DNHD1: variants seen among roughly 807,000 people sequenced by gnomAD.
The protein encoded by DNHD1 is dynein heavy chain domain 1.
In DNHD1, 383 loss-of-function variants were observed where a neutral mutation model predicts 458.1. The ratio of observed to expected loss-of-function variants is 0.84; its 90% CI spans 0.77 to 0.91. The LOEUF (loss-of-function observed/expected upper bound fraction) is 0.91. Ranked by LOEUF, DNHD1 falls within the 40% of genes least tolerant of loss-of-function variation. The pLI is 0.00. For synonymous variants in DNHD1, 2,203 were observed against 2,376.9 expected (o/e 0.93, Z 2.13); for missense variants, 5,336 against 5,866.1 (o/e 0.91, Z 2.95).
rs769178794 is a variant in DNHD1 at position 6,520,100 on chromosome 11, C to T, written c.1783C>T (p.Gln595Ter). The change falls in exon 9 of 43, where the codon CAG becomes TAG. Residue 595 changes from glutamine to a stop codon, truncating the protein, a stop_gained and splice_region_variant. Coordinates refer to ENST00000254579, the MANE Select transcript of DNHD1 (RefSeq NM_144666.3). LOFTEE classifies it high-confidence loss of function. ...ACAGTCTGTCAAGACCTCTGCCTTG[C>T]AGGTATTCTGAATTGGGCAGAGAGC... ...GLQSVKTSAL[Q>*]VVQSADLKTS... is the part of the protein sequence containing the mutation. 2 of 1,614,186 alleles carry T rather than the reference C, an allele frequency of 1.2e-6. No homozygotes were observed. The highest frequency in any genetic ancestry group is 3.3e-5 in the Admixed American group (2 of 60,022).
Position 6,545,657 on chromosome 11 carries a change from C to T in DNHD1, c.4718C>T (p.Ala1573Val). 6.4e-7 allele frequency: 1 copy of T among 1,551,742 alleles called. No individual in the cohort carries two copies. Among genetic ancestry groups the T allele is most frequent in the Non-Finnish European group, 8.7e-7 (1 of 1,147,008 alleles). The part of the protein sequence containing the change: ...PSVRQTSLLS[A>V]LLVMAVTHRD... ...GTCCGCCAGACCAGCCTTCTCAGTG[C>T]CCTGCTGGTCATGGCAGTGACTCAC... Residue 1573 changes from alanine to valine, a missense_variant, in exon 21 of 43, where the codon GCC becomes GTC. This residue lies in a region of DNHD1 where 3,932 missense variants were observed against 4,365.6 expected (regional missense o/e 0.90). Coordinates refer to ENST00000254579, the MANE Select transcript of DNHD1 (RefSeq NM_144666.3). This position sits in a 1 kb window ranked among gnomAD's most constrained non-coding sequence, Gnocchi z 4.9.
chr11:6,543,446 T>C (rs1435903853), intron 18 of DNHD1, among the ~76,000 whole-genome samples: 2 of 152,196 alleles, frequency 1.3e-5, no homozygotes, highest in Non-Finnish European at 2.9e-5. Context: ...AAATATTACG[T>C]AGGGTCCTGG....
chr11:6,518,423 A>G (rs1045405716), intron 7 of DNHD1, among the ~76,000 whole-genome samples: 1 of 152,214 alleles, frequency 6.6e-6, no homozygotes, highest in African/African-American at 2.4e-5. Flanking sequence ...TTAAAAATGT[A>G]TACTGATTAC....
chr11:6,564,136 C>T lies in DNHD1; in HGVS notation c.10284+12C>T. ...CTACACAGCTCCAGGTAACCATCCC[C>T]CTCCCAGATGTCTCCCCCAAAGTTC... On this transcript the variant is annotated intron_variant, in intron 31 of 42. Transcript: ENST00000254579. The T allele has an allele frequency of 3.0e-5, 46 of 1,545,824 alleles. No individual in the cohort carries two copies. Among genetic ancestry groups the T allele is most frequent in the Non-Finnish European group, 4.0e-5 (46 of 1,142,910 alleles).
Position 6,547,015 on chromosome 11 carries a change from G to A in DNHD1, c.6076G>A (p.Val2026Met), listed in dbSNP as rs1853233983. ...EDTSTQGCQP[V>M]EITHLYPSGL... is the part of the protein sequence containing the mutation. ...CACCTCAACCCAAGGCTGCCAGCCT[G>A]TGGAAATTACCCACCTGTACCCCAG... The change falls in exon 21 of 43, where the codon GTG becomes ATG. Residue 2026 changes from valine to methionine, a missense_variant. This residue lies in a region of DNHD1 where 3,932 missense variants were observed against 4,365.6 expected (regional missense o/e 0.90). Coordinates refer to ENST00000254579, the MANE Select transcript of DNHD1 (RefSeq NM_144666.3). The A allele has an allele frequency of 1.3e-6, 2 of 1,551,516 alleles. No homozygotes were observed. Among genetic ancestry groups the A allele is most frequent in the African/African-American group, 2.7e-5 (2 of 73,060 alleles).
chr11:6,519,905 T>A, intron 8 of DNHD1, 51 bp downstream of exon 8: 1 of 1,613,068 alleles, frequency 6.2e-7, no homozygotes, highest in Non-Finnish European at 8.5e-7. Flanking sequence ...CAGGGCCAGA[T>A]GCTGAGGAAT....
At position 6,558,646 on chromosome 11, in the gene DNHD1, T is replaced by A; in HGVS notation, c.9164T>A (p.Val3055Glu). Residue 3055 changes from valine to glutamate, a missense_variant, in exon 26 of 43, where the codon GTG becomes GAG. Val to Glu is a moderately radical substitution (Grantham distance 121, BLOSUM62 -2). Coordinates refer to ENST00000254579, the MANE Select transcript of DNHD1 (RefSeq NM_144666.3). ...TGGGACCAAGCTGCCCTGGCCAAGG[T>A]GGCCCAGCATCACCTGGAGGGTGCT... ...EPWDQAALAK[V>E]AQHHLEGAQS... 1 of 1,551,510 alleles carries A rather than the reference T, an allele frequency of 6.4e-7. No individual in the cohort carries two copies. The highest frequency in any genetic ancestry group is 8.7e-7 in the Non-Finnish European group (1 of 1,146,988).
chr11:6,545,156 C>CA lies in DNHD1; in HGVS notation c.4218dup (p.Asp1407ArgfsTer2). On this transcript the variant is annotated frameshift_variant, in exon 21 of 43. Coordinates refer to ENST00000254579, the MANE Select transcript of DNHD1 (RefSeq NM_144666.3). This position sits in a 1 kb window ranked among gnomAD's most constrained non-coding sequence, Gnocchi z 4.9. Reference sequence around the variant, plus strand: ...TCTTGCCCAACTGGTGAGAAAAACACAGATGACTGGGAGTCAAGCCCAAAC... The same window carrying CA: ...TCTTGCCCAACTGGTGAGAAAAACACAAGATGACTGGGAGTCAAGCCCAAAC... The CA allele has an allele frequency of 6.4e-7, 1 of 1,552,130 alleles. No homozygotes were observed. Among genetic ancestry groups the CA allele is most frequent in the Non-Finnish European group, 8.7e-7 (1 of 1,147,084 alleles).
chr11:6,530,035 T>G (rs1455038376), intron 12 of DNHD1, among the ~76,000 whole-genome samples: 1 of 152,210 alleles, frequency 6.6e-6, no homozygotes, highest in Non-Finnish European at 1.5e-5. Flanking sequence ...TCTGCTATCA[T>G]CTATATCCCC....
At position 6,548,731 on chromosome 11, in the gene DNHD1, A is replaced by G; in HGVS notation, c.7185A>G (p.Ser2395=). The G allele has an allele frequency of 6.4e-7, 1 of 1,551,670 alleles. No individual in the cohort carries two copies. The highest frequency in any genetic ancestry group is 8.7e-7 in the Non-Finnish European group (1 of 1,146,986). ...CTGGAGAGGCAGCAACAGGGAAGTC[A>G]GCCTTTGTGGAGGTGCTGGTAGAGC... ...LLAGEAATGK[S]AFVEVLVEPH... Residue 2395 remains serine (S), a synonymous_variant, in exon 24 of 43, where the codon TCA becomes TCG. Coordinates refer to ENST00000254579, the MANE Select transcript of DNHD1 (RefSeq NM_144666.3). The surrounding 1 kb of genome is among the most constrained non-coding windows in gnomAD (Gnocchi z 4.4).
In DNHD1 at chr11:6,548,624, A is replaced by G. The variant is rs1475070966; in HGVS notation, c.7099-21A>G. On this transcript the variant is annotated intron_variant, in intron 23 of 42. Transcript: ENST00000254579. This position sits in a 1 kb window ranked among gnomAD's most constrained non-coding sequence, Gnocchi z 4.4. Reference sequence around the variant, plus strand: ...GTCTTATACTGGAGGTGCTGCAGTAAGTCCCACTTCTGTCTTGCAGACTGA... The same window carrying G: ...GTCTTATACTGGAGGTGCTGCAGTAGGTCCCACTTCTGTCTTGCAGACTGA... The G allele has an allele frequency of 6.4e-7, 1 of 1,550,796 alleles. No individual in the cohort carries two copies. The highest frequency in any genetic ancestry group is 8.7e-7 in the Non-Finnish European group (1 of 1,146,874).
In DNHD1 at chr11:6,502,895, T is replaced by C; in HGVS notation, c.889T>C (p.Tyr297His). Residue 297 changes from tyrosine (Y) to histidine (H), a missense_variant, in exon 4 of 43, where the codon TAT becomes CAT. Physicochemically the swap from Tyr to His is moderately conservative, Grantham distance 83 (BLOSUM62 2). Coordinates refer to ENST00000254579, the MANE Select transcript of DNHD1 (RefSeq NM_144666.3). ...ERYLKKIHFLYLNVAPSRYFR... is the reference protein window; with the variant it reads ...ERYLKKIHFLHLNVAPSRYFR... Reference sequence around the variant, plus strand: ...ATACCTGAAGAAGATCCACTTCCTCTATCTCAATGTGGCTCCCAGCCGGTA... The same window carrying C: ...ATACCTGAAGAAGATCCACTTCCTCCATCTCAATGTGGCTCCCAGCCGGTA... 1 of 1,613,784 alleles carries C rather than the reference T, an allele frequency of 6.2e-7. No individual in the cohort carries two copies. The highest frequency in any genetic ancestry group is 1.3e-5 in the African/African-American group (1 of 75,042).
In DNHD1 at chr11:6,508,925, G is replaced by C. The variant is rs749517252; in HGVS notation, c.966G>C (p.Glu322Asp). 43 of 1,614,012 alleles carry C rather than the reference G, an allele frequency of 2.7e-5. No individual in the cohort carries two copies. The Admixed American group carries it at 2.7e-4, about 10-fold the overall frequency. Reference protein sequence around the residue: ...MVVPPDKVNPEHYIFSPFGIL... With the variant: ...MVVPPDKVNPDHYIFSPFGIL... ...TGCCACCCGACAAGGTGAATCCCGA[G>C]CACTACATCTTCTCTCCCTTTGGGA... The change falls in exon 5 of 43, where the codon GAG becomes GAC. Residue 322 changes from glutamate (E) to aspartate (D), a missense_variant. Glu to Asp is a conservative substitution (Grantham distance 45). Around this residue, in one of 4 missense-constraint regions of DNHD1, gnomAD observed 3,932 missense variants for 4,365.6 expected, o/e 0.90. Transcript: ENST00000254579.
At position 6,498,708 on chromosome 11, in the gene DNHD1, T is replaced by G. The variant is rs1852082130; in HGVS notation, c.493T>G (p.Cys165Gly). The G allele has an allele frequency of 6.2e-7, 1 of 1,614,092 alleles. No homozygotes were observed. Among genetic ancestry groups the G allele is most frequent in the Non-Finnish European group, 8.5e-7 (1 of 1,180,030 alleles). ...RLHHRPPCPA[C>G]PFVQAQWSRQ... ...CCATCACAGGCCCCCATGCCCAGCT[T>G]GCCCTTTTGTGCAGGCCCAGTGGAG... The change falls in exon 3 of 43, where the codon TGC becomes GGC. Residue 165 changes from cysteine to glycine, a missense_variant. Coordinates refer to ENST00000254579, the MANE Select transcript of DNHD1 (RefSeq NM_144666.3).
At position 6,571,763 on chromosome 11, in the gene DNHD1, C is replaced by T; in HGVS notation, c.14039C>T (p.Pro4680Leu). 1.2e-6 allele frequency: 2 copies of T among 1,613,816 alleles called. No individual in the cohort carries two copies. Among genetic ancestry groups the T allele is most frequent in the East Asian group, 2.2e-5 (1 of 44,866 alleles). ...LQDSPSSQPS[P>L]LPPVSISTQA... Reference sequence around the variant, plus strand: ...GACAGTCCTTCCAGCCAACCCAGCCCTCTGCCTCCCGTCAGCATCAGCACA... The same window carrying T: ...GACAGTCCTTCCAGCCAACCCAGCCTTCTGCCTCCCGTCAGCATCAGCACA... The change falls in exon 43 of 43, where the codon CCT becomes CTT. Residue 4680 changes from proline to leucine, a missense_variant. Around this residue, in one of 4 missense-constraint regions of DNHD1, gnomAD observed 698 missense variants for 664.9 expected, o/e 1.05. Transcript: ENST00000254579. The surrounding 1 kb of genome is among the most constrained non-coding windows in gnomAD (Gnocchi z 5.0).
At chr11:6,514,042 TTCA>T (rs1162565998) in intron 7 of DNHD1, among the ~76,000 whole-genome samples, 1 of 151,966 alleles carries the variant, frequency 6.6e-6, no homozygotes, top group African/African-American at 2.4e-5. Context: ...GAGACGGGGT[TTCA>T]TCATGTTAGC....
At chr11:6,555,838 T>G (rs986031265) in intron 24 of DNHD1, among the ~76,000 whole-genome samples, 1 of 152,108 alleles carries the variant, frequency 6.6e-6, no homozygotes, top group African/African-American at 2.4e-5. Context: ...TGAGGAACTT[T>G]CTAGGGTGAT....
In DNHD1 at chr11:6,563,026, A is replaced by G. The variant is rs1337931282; in HGVS notation, c.9564A>G (p.Leu3188=). 6.4e-7 allele frequency: 1 copy of G among 1,551,630 alleles called. No individual in the cohort carries two copies. Among genetic ancestry groups the G allele is most frequent in the Non-Finnish European group, 8.7e-7 (1 of 1,147,006 alleles). The change falls in exon 29 of 43, where the codon CTA becomes CTG. Residue 3188 remains leucine (L), a synonymous_variant. Coordinates refer to ENST00000254579, the MANE Select transcript of DNHD1 (RefSeq NM_144666.3). ...AGCAGCTAGAGCAAAGCAAGCTCCT[A>G]TACAAGCAGCAGCTGGAAGAGTGTC... ...FQQQLEQSKL[L]YKQQLEECRH... is the part of the protein sequence containing the mutation.
chr11:6,567,176 G>C lies in DNHD1; in HGVS notation c.11667G>C (p.Leu3889=). The C allele has an allele frequency of 6.2e-7, 1 of 1,614,036 alleles. No individual in the cohort carries two copies. The highest frequency in any genetic ancestry group is 1.1e-5 in the South Asian group (1 of 91,090). Residue 3889 remains leucine, a synonymous_variant, in exon 36 of 43, where the codon CTG becomes CTC. Transcript: ENST00000254579. ...ENWLAVTKQA[L]DSMKPREINH... Reference sequence around the variant, plus strand: ...GGCTGGCAGTCACTAAGCAGGCTCTGGACAGCATGAAGCCACGTGAGATTA... The same window carrying C: ...GGCTGGCAGTCACTAAGCAGGCTCTCGACAGCATGAAGCCACGTGAGATTA...
Sources: allele counts gnomAD v4.1 joint callset (sites outside exome capture counted in the v4.1 genomes callset), GRCh38; gene constraint gnomAD v4.1.1; regional missense constraint gnomAD v4.1.1; non-coding constraint Gnocchi (gnomAD v3.1); transcripts MANE v1.5; gene names NCBI Gene and HGNC (gene_info 2026-07-23, HGNC 2026-07-21).